ENTREP2: variants seen among roughly 807,000 people sequenced by gnomAD.
ENTREP2 encodes endosomal transmembrane epsin interactor 2.
At chr15:29,251,276 C>G in the ENTREP2 span, among the ~76,000 whole-genome samples, 1 of 152,222 alleles carries the variant, frequency 6.6e-6, no homozygotes, top group South Asian at 2.1e-4. Flanking sequence ...CCCAGGGAAC[C>G]ACAGTCCTAT....
chr15:29,672,766 T>C, the ENTREP2 span, among the ~76,000 whole-genome samples: 116 of 151,888 alleles, frequency 7.6e-4, 3 homozygotes, highest in East Asian at 0.016. Context: ...ATTTGGTGGG[T>C]TGGGGGGGTT....
chr15:29,635,112 G>A, the ENTREP2 span, among the ~76,000 whole-genome samples: 39 of 152,218 alleles, frequency 2.6e-4, no homozygotes, highest in African/African-American at 9.4e-4. Context: ...CAAAGTGCTG[G>A]TATTACAGGC....
chr15:29,605,800 A>T, the ENTREP2 span, among the ~76,000 whole-genome samples: 1 of 152,088 alleles, frequency 6.6e-6, no homozygotes, highest in Non-Finnish European at 1.5e-5. Context: ...GCACCATTGC[A>T]CTCCAGCTTG....
the ENTREP2 span, among the ~76,000 whole-genome samples, chr15:29,318,796 G>A: frequency 6.6e-6 from 1 of 152,112 alleles, no homozygotes. Context: ...AGCTCTCCAA[G>A]GTAGGCTTAT....
At chr15:29,119,650 AT>A in the ENTREP2 span, among the ~76,000 whole-genome samples, 10 of 9,720 alleles carry the variant, frequency 1.0e-3, no homozygotes, top group African/African-American at 1.3e-3. Context: ...AAATAAAATA[AT>A]AAAATAATTC....
chr15:29,335,865 G>T, the ENTREP2 span, among the ~76,000 whole-genome samples: 23 of 151,876 alleles, frequency 1.5e-4, no homozygotes, highest in Non-Finnish European at 4.4e-5. Context: ...GCTGGGGCTG[G>T]ACGCAGTGGC....
the ENTREP2 span, among the ~76,000 whole-genome samples, chr15:29,296,234 T>C: frequency 1.3e-5 from 2 of 152,138 alleles, no homozygotes; most frequent in East Asian, 3.9e-4. Flanking sequence ...ATAGAAACAG[T>C]AATGTAGAAA....
the ENTREP2 span, among the ~76,000 whole-genome samples, chr15:29,260,067 G>A: frequency 6.6e-5 from 10 of 152,118 alleles, no homozygotes; most frequent in Non-Finnish European, 1.5e-4. Context: ...TGTATAACAA[G>A]GAAGGAGACT....
chr15:29,493,519 A>G, the ENTREP2 span, among the ~76,000 whole-genome samples: 1 of 152,190 alleles, frequency 6.6e-6, no homozygotes, highest in African/African-American at 2.4e-5. Context: ...AAGCATTCTC[A>G]GGCAGAAGGA....
the ENTREP2 span, among the ~76,000 whole-genome samples, chr15:29,538,318 CTGGAGTTT>C: frequency 6.6e-6 from 1 of 152,122 alleles, no homozygotes; most frequent in African/African-American, 2.4e-5. Flanking sequence ...TTCAGCAGGG[CTGGAGTTT>C]TGCCAACAGA....
At chr15:29,534,836 C>CA in the ENTREP2 span, among the ~76,000 whole-genome samples, 8 of 151,906 alleles carry the variant, frequency 5.3e-5, no homozygotes, top group Admixed American at 6.6e-5. Context: ...GTTCCCAGCA[C>CA]AAAAAAAGGC....
the ENTREP2 span, among the ~76,000 whole-genome samples, chr15:29,498,330 GTTTTCA>G: frequency 6.6e-6 from 1 of 151,982 alleles, no homozygotes; most frequent in Non-Finnish European, 1.5e-5. Context: ...GGTACACTGT[GTTTTCA>G]TTTTCATTTG....
At chr15:29,169,520 C>T in the ENTREP2 span, among the ~76,000 whole-genome samples, 1 of 152,202 alleles carries the variant, frequency 6.6e-6, no homozygotes, top group East Asian at 1.9e-4. Flanking sequence ...AATTCTTCCT[C>T]GTGAACCTAG....
chr15:29,586,931 G>C, the ENTREP2 span, among the ~76,000 whole-genome samples: 1 of 152,112 alleles, frequency 6.6e-6, no homozygotes, highest in Non-Finnish European at 1.5e-5. Flanking sequence ...TTAGCATGGG[G>C]AGATACTTAG....
chr15:29,279,695 T>C, the ENTREP2 span, among the ~76,000 whole-genome samples: 1 of 152,002 alleles, frequency 6.6e-6, no homozygotes, highest in Non-Finnish European at 1.5e-5. Context: ...TCGTTTTGAG[T>C]CTGCAGATCA....
the ENTREP2 span, among the ~76,000 whole-genome samples, chr15:29,232,292 C>A: frequency 2.6e-5 from 4 of 152,186 alleles, no homozygotes; most frequent in South Asian, 6.2e-4. Context: ...TAAATTCGAT[C>A]TATTTCACAC....
At chr15:29,303,893 A>C in the ENTREP2 span, among the ~76,000 whole-genome samples, 6 of 150,766 alleles carry the variant, frequency 4.0e-5, no homozygotes, top group Non-Finnish European at 8.9e-5. Context: ...TTTTTTCTTT[A>C]TTTTTGAGAT....
chr15:29,309,786 C>CT, the ENTREP2 span, among the ~76,000 whole-genome samples: 1 of 115,088 alleles, frequency 8.7e-6, no homozygotes, highest in African/African-American at 4.4e-5. Context: ...AAGACTCTGT[C>CT]TCAAAAAAAA....
chr15:29,542,168 A>G, the ENTREP2 span, among the ~76,000 whole-genome samples: 1 of 151,948 alleles, frequency 6.6e-6, no homozygotes, highest in South Asian at 2.1e-4. Context: ...GTGTGCCACC[A>G]TGCCCAGCTA....
Sources: allele counts gnomAD v4.1 joint callset (sites outside exome capture counted in the v4.1 genomes callset), GRCh38; gene constraint gnomAD v4.1.1; transcripts MANE v1.5; gene names NCBI Gene and HGNC (gene_info 2026-07-23, HGNC 2026-07-21).